NRG1: variants seen among roughly 807,000 people sequenced by gnomAD.
NRG1 encodes neuregulin 1.
Under a neutral mutation model 63.8 loss-of-function variants are expected in NRG1, and 18 were observed. That is an observed-to-expected ratio of 0.28 (90% confidence interval 0.19 to 0.42). The LOEUF is 0.42. NRG1 is among the 10% of genes least tolerant of loss of function. NRG1 has a pLI of 1.00. For synonymous variants in NRG1, 302 were observed against 301.3 expected (o/e 1.00, Z -0.02); for missense variants, 762 against 814.7 (o/e 0.94, Z 0.79).
intron 1 of NRG1, among the ~76,000 whole-genome samples, chr8:32,395,734 T>G (rs1307431761): frequency 1.3e-5 from 2 of 152,140 alleles, no homozygotes; most frequent in Non-Finnish European, 2.9e-5. Context: ...AGATGTTAAA[T>G]CTGTTGAAGT....
At chr8:32,443,269 C>T (rs970139554) in intron 1 of NRG1, among the ~76,000 whole-genome samples, 6 of 152,060 alleles carry the variant, frequency 3.9e-5, no homozygotes, top group African/African-American at 1.4e-4. Flanking sequence ...GCTAAATGTC[C>T]GAGCCTTTCC....
At chr8:32,193,084 G>T (rs906158184) in intron 1 of NRG1, among the ~76,000 whole-genome samples, 3 of 152,152 alleles carry the variant, frequency 2.0e-5, no homozygotes, top group Non-Finnish European at 4.4e-5. Flanking sequence ...ATGAATGAAT[G>T]AACTGATGAA....
At chr8:32,264,237 T>C (rs1850680126) in intron 1 of NRG1, among the ~76,000 whole-genome samples, 2 of 152,212 alleles carry the variant, frequency 1.3e-5, no homozygotes, top group Non-Finnish European at 2.9e-5. Context: ...ATCTGTTTAT[T>C]TTCTTAATTT....
intron 1 of NRG1, chr8:32,287,674 C>T (rs541791695): frequency 3.3e-5 from 5 of 152,310 alleles, no homozygotes; most frequent in African/African-American, 9.6e-5. Context: ...AAACTCAGAA[C>T]AGGGCATTCC....
chr8:32,768,589 C>A (rs374537066), downstream of NRG1, among the ~76,000 whole-genome samples: 13 of 152,272 alleles, frequency 8.5e-5, no homozygotes, highest in South Asian at 2.3e-3. Flanking sequence ...CAGGGAGGAG[C>A]CTTTGCATGA....
At chr8:32,638,603 C>T (rs910208299) in intron 5 of NRG1, among the ~76,000 whole-genome samples, 10 of 152,196 alleles carry the variant, frequency 6.6e-5, no homozygotes, top group African/African-American at 1.9e-4. Context: ...GTTGGGATCA[C>T]GGGCAGGAGC....
intron 5 of NRG1, among the ~76,000 whole-genome samples, chr8:32,720,187 T>C (rs1820269953): frequency 6.6e-6 from 1 of 152,182 alleles, no homozygotes; most frequent in African/African-American, 2.4e-5. Flanking sequence ...TCCTTGATTC[T>C]TGTTGGATGT....
At chr8:32,196,680 C>T (rs1483831057) in intron 1 of NRG1, among the ~76,000 whole-genome samples, 1 of 152,050 alleles carries the variant, frequency 6.6e-6, no homozygotes, top group Non-Finnish European at 1.5e-5. Context: ...CAAGAGAAGC[C>T]TTCACCTTTC....
At chr8:32,275,078 C>T (rs563363047) in intron 1 of NRG1, among the ~76,000 whole-genome samples, 36 of 152,152 alleles carry the variant, frequency 2.4e-4, no homozygotes, top group African/African-American at 8.7e-4. Flanking sequence ...CAGTTCATTT[C>T]CAGGCAGCCT....
chr8:31,735,452 A>AT (rs1220885347), intron 1 of NRG1, among the ~76,000 whole-genome samples: 1 of 152,040 alleles, frequency 6.6e-6, no homozygotes, highest in Non-Finnish European at 1.5e-5. Flanking sequence ...TTAAATTTCT[A>AT]TTTTTTCTAC....
chr8:31,803,723 A>T (rs542561028), intron 1 of NRG1, among the ~76,000 whole-genome samples: 3 of 152,350 alleles, frequency 2.0e-5, no homozygotes, highest in Non-Finnish European at 2.9e-5. Context: ...TCCTAGAATG[A>T]CTTCCATTGC....
At chr8:32,281,424 T>G (rs1163710321) in intron 1 of NRG1, among the ~76,000 whole-genome samples, 5 of 151,772 alleles carry the variant, frequency 3.3e-5, no homozygotes, top group African/African-American at 4.8e-5. Flanking sequence ...GTGATCTGCC[T>G]GCCTCAGCCT....
chr8:32,380,695 C>G (rs1810241349), intron 1 of NRG1, among the ~76,000 whole-genome samples: 1 of 152,206 alleles, frequency 6.6e-6, no homozygotes, highest in Non-Finnish European at 1.5e-5. Flanking sequence ...CATCACCATA[C>G]TAACTCAATC....
chr8:32,243,871 A>G lies in NRG1; in HGVS notation c.38-351957A>G, dbSNP rs781374132. Among the ~76,000 whole-genome samples the G allele has an allele frequency of 2.4e-4, 37 of 152,302 alleles. 1 individual carries two copies. Among genetic ancestry groups the G allele is most frequent in the Middle Eastern group, 3.4e-3 (1 of 294 alleles). On this transcript the variant is annotated intron_variant, in intron 1 of 10. Coordinates refer to the NRG1 transcript ENST00000519301. Reference sequence around the variant, plus strand: ...CTGCCACCTGAAAATGCAACAGGGAATGGCCATCCACATGCCAAGAAATGG... The same window carrying G: ...CTGCCACCTGAAAATGCAACAGGGAGTGGCCATCCACATGCCAAGAAATGG...
intron 1 of NRG1, among the ~76,000 whole-genome samples, chr8:32,271,789 C>A (rs986603184): frequency 3.3e-5 from 5 of 152,138 alleles, no homozygotes; most frequent in African/African-American, 1.2e-4. Context: ...ACTCTACAAT[C>A]ATGCACCTAG....
chr8:32,716,439 C>T (rs1355692562), intron 5 of NRG1, among the ~76,000 whole-genome samples: 1 of 152,150 alleles, frequency 6.6e-6, no homozygotes, highest in Non-Finnish European at 1.5e-5. Context: ...TAAACACATG[C>T]TTGCAGCGTC....
At chr8:32,499,745 A>G (rs1827637635) in intron 1 of NRG1, among the ~76,000 whole-genome samples, 1 of 152,186 alleles carries the variant, frequency 6.6e-6, no homozygotes, top group Non-Finnish European at 1.5e-5. Flanking sequence ...TAACAGGGGC[A>G]GTCTCAGTCA....
intron 1 of NRG1, among the ~76,000 whole-genome samples, chr8:31,905,881 C>A (rs1314108761): frequency 6.6e-6 from 1 of 152,086 alleles, no homozygotes; most frequent in Non-Finnish European, 1.5e-5. Context: ...TAGTATAAAT[C>A]TTGGAAAATT....
intron 1 of NRG1, among the ~76,000 whole-genome samples, chr8:32,280,679 GGTTTTTTTTTTGTTTTT>G (rs1480003236): frequency 2.1e-5 from 2 of 95,108 alleles, no homozygotes; most frequent in African/African-American, 7.9e-5. Flanking sequence ...AACTGAATTA[GGTTTTTTTTTTGTTTTT>G]TTTTTTTTTT....
Sources: allele counts gnomAD v4.1 joint callset (sites outside exome capture counted in the v4.1 genomes callset), GRCh38; gene constraint gnomAD v4.1.1; transcripts MANE v1.5; gene names NCBI Gene and HGNC (gene_info 2026-07-23, HGNC 2026-07-21).